The following PASD1 variants were observed in gnomAD, a reference collection of about 807,000 sequenced individuals.
The protein encoded by PASD1 is circadian clock protein PASD1.
PASD1 carries 13 observed loss-of-function variants against 58.8 expected under a neutral mutation model. That is an observed-to-expected ratio of 0.22 (90% CI 0.14 to 0.35). The LOEUF is 0.35. Among genes scored for constraint, PASD1 ranks in the 10% least tolerant of loss-of-function variants. The pLI is 1.00. For synonymous variants in PASD1, 236 were observed against 216.7 expected (o/e 1.09, Z -0.78); for missense variants, 734 against 568.3 (o/e 1.29, Z -2.96).
At chrX:151,576,137 G>A (rs1455079669) in intron 1 of PASD1, among the ~76,000 whole-genome samples, 2 of 109,855 alleles carry the variant, frequency 1.8e-5, no homozygotes, top group Non-Finnish European at 3.8e-5. Flanking sequence ...CAAAGTGCTA[G>A]GATTACAGAT....
At chrX:151,647,062 G>T (rs1307964135) in intron 8 of PASD1, among the ~76,000 whole-genome samples, 1 of 111,922 alleles carries the variant, frequency 8.9e-6, no homozygotes, top group Non-Finnish European at 1.9e-5. Context: ...CACTGGAGTG[G>T]GGAACAGGAG....
At chrX:151,570,985 A>G (rs975954969) in intron 1 of PASD1, among the ~76,000 whole-genome samples, 4 of 111,447 alleles carry the variant, frequency 3.6e-5, no homozygotes, top group African/African-American at 1.3e-4. Context: ...TAAGCTGACC[A>G]CCTTTATGCA....
chrX:151,618,966 T>G (rs750861802), intron 4 of PASD1, among the ~76,000 whole-genome samples: 6 of 110,921 alleles, frequency 5.4e-5, no homozygotes, highest in Non-Finnish European at 1.1e-4. Flanking sequence ...CAGTAGAAAA[T>G]TTGGAATGAG....
At chrX:151,619,248 A>C (rs1474423661) in intron 4 of PASD1, among the ~76,000 whole-genome samples, 1 of 111,945 alleles carries the variant, frequency 8.9e-6, no homozygotes, top group Non-Finnish European at 1.9e-5. Context: ...GTAAATGGGT[A>C]AATGGTGGTT....
chrX:151,639,894 A>G (rs2013977382), intron 8 of PASD1, among the ~76,000 whole-genome samples: 1 of 112,396 alleles, frequency 8.9e-6, no homozygotes, highest in Admixed American at 9.5e-5. Flanking sequence ...CAGAACAAAA[A>G]GAGAAAACAA....
At chrX:151,667,618 C>A (rs1432489694) in intron 11 of PASD1, among the ~76,000 whole-genome samples, 1 of 112,218 alleles carries the variant, frequency 8.9e-6, no homozygotes, top group African/African-American at 3.2e-5. Flanking sequence ...GTTTTCCCAG[C>A]ACCATTTGTT....
intron 8 of PASD1, among the ~76,000 whole-genome samples, chrX:151,639,663 A>G (rs762411747): frequency 9.0e-6 from 1 of 111,547 alleles, no homozygotes; most frequent in East Asian, 2.8e-4. Context: ...CTACTCTCGT[A>G]CTGACACTCT....
At chrX:151,609,250 T>C (rs927819667) in intron 3 of PASD1, among the ~76,000 whole-genome samples, 4 of 111,951 alleles carry the variant, frequency 3.6e-5, no homozygotes, top group African/African-American at 1.3e-4. Flanking sequence ...ATTATTCTAT[T>C]ATAAATACTT....
Position 151,676,212 on chromosome X carries a change from A to G in PASD1, c.*69A>G. The G allele has an allele frequency of 4.6e-6, 5 of 1,077,366 alleles. No homozygotes were observed. Among genetic ancestry groups the G allele is most frequent in the Admixed American group, 2.6e-5 (1 of 38,409 alleles). The allele number at this position is 1,077,366 out of a possible 1,213,427, so 88.8% of individuals were successfully genotyped here. On this transcript the variant is annotated 3_prime_UTR_variant, in exon 16 of 16. Transcript: ENST00000370357. ...GCAGGCCAATGAGGTCTGCATGGCC[A>G]GGGGACCTTCAAGGTGCGTAAAGTC...
In PASD1 at chrX:151,676,291, T is replaced by TCC; in HGVS notation, c.*148_*149insCC. 1.8e-6 allele frequency: 1 copy of TCC among 565,863 alleles called. No homozygotes were observed. The highest frequency in any genetic ancestry group is 3.7e-5 in the East Asian group (1 of 26,670). 46.6% of individuals were successfully genotyped at this position (565,863 alleles called of 1,213,427 possible). The stretch of plus-strand genomic sequence containing the variant: ...CTTATTTGTTTCCTGATAGGTTATG[T>TCC]TTGTAATTGTTTGTTAAGCACAGCC... On this transcript the variant is annotated 3_prime_UTR_variant, in exon 16 of 16. Coordinates refer to ENST00000370357, the MANE Select transcript of PASD1 (RefSeq NM_173493.3).
intron 1 of PASD1, among the ~76,000 whole-genome samples, chrX:151,565,749 G>A (rs897824495): frequency 9.1e-6 from 1 of 109,960 alleles, no homozygotes; most frequent in Non-Finnish European, 1.9e-5. Flanking sequence ...TAGTAGAGAC[G>A]GGGTTTCACC....
chrX:151,667,275 T>A (rs5924992), intron 11 of PASD1, among the ~76,000 whole-genome samples: 4 of 111,073 alleles, frequency 3.6e-5, no homozygotes, highest in South Asian at 3.9e-4. Flanking sequence ...TAGATTCTGG[T>A]TATTAGCCGT....
At position 151,672,302 on chromosome X, in the gene PASD1, G is replaced by C. The variant is rs777884731; in HGVS notation, c.1557G>C (p.Lys519Asn). Residue 519 changes from lysine to asparagine, a missense_variant, in exon 14 of 16, where the codon AAG becomes AAC. Transcript: ENST00000370357. ...VQKQKKMQEK[K>N]KLQEQKMQEK... is the part of the protein sequence containing the mutation. The stretch of plus-strand genomic sequence containing the variant: ...AGCAGAAGAAGATGCAGGAGAAGAA[G>C]AAGCTGCAGGAGCAGAAAATGCAGG... The C allele has an allele frequency of 6.0e-6, 7 of 1,168,017 alleles. No homozygotes were observed. Among genetic ancestry groups the C allele is most frequent in the Non-Finnish European group, 6.9e-6 (6 of 873,931 alleles).
intron 4 of PASD1, among the ~76,000 whole-genome samples, chrX:151,614,202 C>T (rs1443412242): frequency 9.0e-6 from 1 of 110,873 alleles, no homozygotes; most frequent in Non-Finnish European, 1.9e-5. Flanking sequence ...CCAAGCTGGT[C>T]TCGAACTCCT....
At chrX:151,596,118 A>T (rs1448853374) in intron 1 of PASD1, among the ~76,000 whole-genome samples, 1 of 111,982 alleles carries the variant, frequency 8.9e-6, no homozygotes, top group Non-Finnish European at 1.9e-5. Flanking sequence ...ATAAACAGCA[A>T]TCCTGTCTTA....
intron 1 of PASD1, among the ~76,000 whole-genome samples, chrX:151,567,094 A>AAATAAAT (rs1443549420): frequency 1.0e-5 from 1 of 95,880 alleles, no homozygotes; most frequent in Non-Finnish European, 2.1e-5. Flanking sequence ...ATAAATAAAT[A>AAATAAAT]AAATAAAATA....
intron 1 of PASD1, among the ~76,000 whole-genome samples, chrX:151,597,613 G>T (rs768753149): frequency 1.8e-5 from 2 of 111,647 alleles, no homozygotes; most frequent in South Asian, 7.5e-4. Flanking sequence ...AGCATTTTAA[G>T]ATTTCTGTTT....
chrX:151,624,403 C>A (rs923699471), intron 7 of PASD1, among the ~76,000 whole-genome samples: 2 of 111,301 alleles, frequency 1.8e-5, no homozygotes, highest in Non-Finnish European at 3.8e-5. Flanking sequence ...GTTGATGTTA[C>A]AACATAAAAC....
In PASD1 at chrX:151,563,774, C is replaced by G; in HGVS notation, c.-93C>G. 8.9e-6 allele frequency: 1 copy of G among 112,436 alleles called. No individual in the cohort carries two copies. Among genetic ancestry groups the G allele is most frequent in the East Asian group, 2.8e-4 (1 of 3,539 alleles). 9.3% of individuals were successfully genotyped at this position (112,436 alleles called of 1,213,427 possible). On this transcript the variant is annotated 5_prime_UTR_variant, in exon 1 of 16. Coordinates refer to ENST00000370357, the MANE Select transcript of PASD1 (RefSeq NM_173493.3). ...CAGGCTCCCGGGCTCTCACCGGAGA[C>G]CACAGGGAGGAGCTTCAAGGTACCC...
Sources: gnomAD v4.1 joint callset for allele counts (sites outside exome capture counted in the v4.1 genomes callset) on GRCh38, gnomAD v4.1.1 for gene constraint, MANE v1.5 for transcripts, NCBI Gene and HGNC (gene_info 2026-07-23, HGNC 2026-07-21) for gene names.